PCDHGB3: variants seen among roughly 807,000 people sequenced by gnomAD.
The protein encoded by PCDHGB3 is protocadherin gamma-B3.
A neutral mutation model predicts 59.2 loss-of-function variants in PCDHGB3; 40 were observed. The observed-to-expected ratio is 0.68, with a 90% confidence interval of 0.52 to 0.88. The LOEUF is 0.88. PCDHGB3 is among the 40% of genes least tolerant of loss of function. The pLI is 0.00. For synonymous variants in PCDHGB3, 581 were observed against 503.6 expected, an observed-to-expected ratio of 1.15 and a Z score of -2.06; for missense variants, 1,309 against 1,187.9, an observed-to-expected ratio of 1.10 and a Z score of -1.50.
Position 141,510,977 on chromosome 5 carries a change from G to T in PCDHGB3, c.2594G>T (p.Gly865Val). 1.2e-6 allele frequency: 2 copies of T among 1,614,170 alleles called. No individual in the cohort carries two copies. Among genetic ancestry groups the T allele is most frequent in the Non-Finnish European group, 1.7e-6 (2 of 1,180,020 alleles). The change falls in exon 4 of 4, where the codon GGG becomes GTG. Residue 865 changes from glycine to valine, a missense_variant. Physicochemically the swap from Gly to Val is moderately radical, Grantham distance 109. Transcript: ENST00000576222. ...GCTGATGGGAGCTCCACCCTGGGAG[G>T]GGGTGCCGGCACCATGGGATTGAGC... ...EAADGSSTLG[G>V]GAGTMGLSAR...
Position 141,477,140 on chromosome 5 carries a change from G to GT in PCDHGB3, c.2416-17665dup. ...AGCACATTGCAAAGTGTTGGTGGAG[G>GT]TTGTGGATGTGAATGACAACGCCCC... On this transcript the variant is annotated intron_variant, in intron 1 of 3. Transcript: ENST00000576222. The surrounding 1 kb of genome is among the most constrained non-coding windows in gnomAD (Gnocchi z 4.9). 1 of 1,614,220 alleles carries GT rather than the reference G, an allele frequency of 6.2e-7. No homozygotes were observed. Among genetic ancestry groups the GT allele is most frequent in the Non-Finnish European group, 8.5e-7 (1 of 1,180,048 alleles).
Position 141,393,093 on chromosome 5 carries a change from G to A in PCDHGB3, c.2415+20284G>A, listed in dbSNP as rs781611512. On this transcript the variant is annotated intron_variant, in intron 1 of 3. Coordinates refer to ENST00000576222, the MANE Select transcript of PCDHGB3 (RefSeq NM_018924.5). The stretch of plus-strand genomic sequence containing the variant: ...CACCGCGGGCAGGATAGATCGGGAG[G>A]AGCTCTGCGCTCAGAGCCCGCGGTG... 138 of 1,613,502 alleles carry A rather than the reference G, an allele frequency of 8.6e-5. No individual in the cohort carries two copies. The highest frequency in any genetic ancestry group is 1.2e-4 in the Non-Finnish European group (136 of 1,179,914).
intron 1 of PCDHGB3, chr5:141,478,144 G>A (rs2099432883): frequency 6.2e-7 from 1 of 1,613,918 alleles, no homozygotes; most frequent in Non-Finnish European, 8.5e-7. Flanking sequence ...CCCGAGCCGA[G>A]TTCCCCTCTG....
At position 141,370,817 on chromosome 5, in the gene PCDHGB3, A is replaced by C; in HGVS notation, c.423A>C (p.Glu141Asp). 1 of 1,614,046 alleles carries C rather than the reference A, an allele frequency of 6.2e-7. No individual in the cohort carries two copies. Among genetic ancestry groups the C allele is most frequent in the Non-Finnish European group, 8.5e-7 (1 of 1,179,896 alleles). ...PTFSQNITEL[E>D]ISELALTGAT... The stretch of plus-strand genomic sequence containing the variant: ...TTAGCCAAAATATCACTGAGCTGGA[A>C]ATCAGCGAACTGGCTCTCACTGGAG... The change falls in exon 1 of 4, where the codon GAA becomes GAC. Residue 141 changes from glutamate (E) to aspartate (D), a missense_variant. Physicochemically the swap from Glu to Asp is conservative, Grantham distance 45. Coordinates refer to ENST00000576222, the MANE Select transcript of PCDHGB3 (RefSeq NM_018924.5).
chr5:141,386,000 AT>A (rs1420495491), intron 1 of PCDHGB3: 3 of 152,258 alleles, frequency 2.0e-5, no homozygotes, highest in Admixed American at 6.5e-5. Flanking sequence ...ATAAAATGTC[AT>A]TTTAAGTGTT....
At chr5:141,409,119 C>T (rs1231583978) in intron 1 of PCDHGB3, 8 of 1,613,810 alleles carry the variant, frequency 5.0e-6, no homozygotes, top group Non-Finnish European at 6.8e-6. Flanking sequence ...AATAACCAGT[C>T]ATTTGATTTT....
intron 1 of PCDHGB3, chr5:141,393,977 T>TA: frequency 6.2e-7 from 1 of 1,613,870 alleles, no homozygotes; most frequent in Non-Finnish European, 8.5e-7. Flanking sequence ...ACACACGTGA[T>TA]AATTTACCTT....
chr5:141,376,646 G>A (rs1394499987), intron 1 of PCDHGB3: 17 of 1,002,858 alleles, frequency 1.7e-5, no homozygotes, highest in Non-Finnish European at 2.3e-5. Flanking sequence ...TTTGTAAAGT[G>A]GAAGACTCCC....
chr5:141,372,239 G>A lies in PCDHGB3; in HGVS notation c.1845G>A (p.Gly615=), dbSNP rs771921907. The A allele has an allele frequency of 2.5e-6, 4 of 1,613,314 alleles. No homozygotes were observed. The Admixed American group carries it at 6.7e-5, about 27-fold the overall frequency. ...SYHIVQASEP[G]LFSLGLRTGE... ...ACATTGTGCAGGCCAGCGAGCCCGGGCTGTTCAGCCTGGGCCTGCGCACGG... is the reference window on the plus strand; with the variant it reads ...ACATTGTGCAGGCCAGCGAGCCCGGACTGTTCAGCCTGGGCCTGCGCACGG... Residue 615 remains glycine (G), a synonymous_variant, in exon 1 of 4, where the codon GGG becomes GGA. Coordinates refer to ENST00000576222, the MANE Select transcript of PCDHGB3 (RefSeq NM_018924.5).
intron 1 of PCDHGB3, chr5:141,398,344 C>G (rs901692894): frequency 7.3e-7 from 1 of 1,372,066 alleles, no homozygotes; most frequent in African/African-American, 1.5e-5. Context: ...TTCGGAGAAG[C>G]CTTACTTCAC....
rs775733785 is a variant in PCDHGB3 at position 141,370,409 on chromosome 5, CG to C, written c.17del (p.Gly6AspfsTer20). 1 of 1,561,734 alleles carries C rather than the reference CG, an allele frequency of 6.4e-7. No homozygotes were observed. The highest frequency in any genetic ancestry group is 8.6e-7 in the Non-Finnish European group (1 of 1,156,082). Reference sequence around the variant, plus strand: ...CAGAGAGCGGGATGGGAAATAGCTCCGGATGGAGGGGCCCAGCAGGGCAGAG... The same window carrying C: ...CAGAGAGCGGGATGGGAAATAGCTCCGATGGAGGGGCCCAGCAGGGCAGAG... MGNSS[G>X]WRGPAGQRRM... On this transcript the variant is annotated frameshift_variant, in exon 1 of 4. Transcript: ENST00000576222. LOFTEE classifies it high-confidence loss of function.
chr5:141,419,203 C>T (rs201698529), intron 1 of PCDHGB3: 140 of 1,613,988 alleles, frequency 8.7e-5, no homozygotes, highest in Non-Finnish European at 1.2e-4. Flanking sequence ...TCAATGACAA[C>T]GCGCCGGTTT....
chr5:141,494,037 T>C (rs2099751443), intron 1 of PCDHGB3, among the ~76,000 whole-genome samples: 1 of 152,146 alleles, frequency 6.6e-6, no homozygotes, highest in South Asian at 2.1e-4. Context: ...GAGACTTAGT[T>C]GGCCCTGCTT....
At chr5:141,400,064 G>A in intron 1 of PCDHGB3, 1 of 1,613,770 alleles carries the variant, frequency 6.2e-7, no homozygotes, top group Non-Finnish European at 8.5e-7. Context: ...CGTGATGGTG[G>A]ACAGCCGCCA....
intron 1 of PCDHGB3, among the ~76,000 whole-genome samples, chr5:141,446,698 G>A (rs750413432): frequency 2.0e-5 from 3 of 152,186 alleles, no homozygotes; most frequent in Admixed American, 6.5e-5. Flanking sequence ...GGCTGGTCTC[G>A]AACTCTGATC....
Position 141,370,453 on chromosome 5 carries a change from T to G in PCDHGB3, c.59T>G (p.Phe20Cys). Reference protein sequence around the residue: ...PAGQRRMLFLFLLSLLDQALS... With the variant: ...PAGQRRMLFLCLLSLLDQALS... ...GGGCAGAGGCGAATGCTATTTCTCTTCCTGCTCTCTTTGTTAGACCAGGCT... is the reference window on the plus strand; with the variant it reads ...GGGCAGAGGCGAATGCTATTTCTCTGCCTGCTCTCTTTGTTAGACCAGGCT... The change falls in exon 1 of 4, where the codon TTC (phenylalanine) becomes TGC (cysteine). Residue 20 changes from phenylalanine to cysteine, a missense_variant. By Grantham distance (205) the Phe-to-Cys change is radical (BLOSUM62 -2). Transcript: ENST00000576222. The G allele has an allele frequency of 6.2e-7, 1 of 1,611,650 alleles. No individual in the cohort carries two copies. The highest frequency in any genetic ancestry group is 8.5e-7 in the Non-Finnish European group (1 of 1,178,696).
chr5:141,409,781 G>A lies in PCDHGB3; in HGVS notation c.2415+36972G>A, dbSNP rs753415525. On this transcript the variant is annotated intron_variant, in intron 1 of 3. Transcript: ENST00000576222. ...CGCCTTTGATCACGAGCAGCTGCGC[G>A]CCTTCGCGCTCACGCTGCAGGCCCG... is the stretch of plus-strand genomic sequence containing the variant. The A allele has an allele frequency of 8.7e-6, 14 of 1,612,178 alleles. No individual in the cohort carries two copies. The highest frequency in any genetic ancestry group is 6.7e-5 in the Admixed American group (4 of 59,882).
At chr5:141,419,934 T>C (rs1427601115) in intron 1 of PCDHGB3, 3 of 1,613,952 alleles carry the variant, frequency 1.9e-6, no homozygotes, top group Non-Finnish European at 2.5e-6. Flanking sequence ...CAGTTTTACC[T>C]GGTGGTGGCC....
At chr5:141,375,616 T>A (rs745318336) in intron 1 of PCDHGB3, 5 of 1,614,200 alleles carry the variant, frequency 3.1e-6, no homozygotes, top group Admixed American at 1.7e-5. Flanking sequence ...ACTCCGACAC[T>A]GGGATTCTGT....
Sources: allele counts gnomAD v4.1 joint callset (sites outside exome capture counted in the v4.1 genomes callset), GRCh38; gene constraint gnomAD v4.1.1; non-coding constraint Gnocchi (gnomAD v3.1); transcripts MANE v1.5; gene names NCBI Gene and HGNC (gene_info 2026-07-23, HGNC 2026-07-21).